Variants in CNTNAP2 observed in about 807,000 individuals in gnomAD.
CNTNAP2 encodes contactin-associated protein-like 2.
Under a neutral mutation model 155.2 loss-of-function variants are expected in CNTNAP2, and 98 were observed. The observed-to-expected ratio is 0.63, with a 90% CI of 0.54 to 0.75. CNTNAP2 has a LOEUF of 0.75. Ranked by LOEUF, CNTNAP2 falls within the 30% of genes least tolerant of loss-of-function variation. CNTNAP2 has a pLI of 0.00. For missense variants in CNTNAP2, 1,727 were observed against 1,688.1 expected, an observed-to-expected ratio of 1.02 and a Z score of -0.40; for synonymous variants, 651 against 631.2, an observed-to-expected ratio of 1.03 and a Z score of -0.47.
intron 1 of CNTNAP2, among the ~76,000 whole-genome samples, chr7:146,694,101 C>T (rs574471084): frequency 9.9e-5 from 15 of 152,128 alleles, no homozygotes; most frequent in African/African-American, 3.6e-4. Flanking sequence ...AAAAATCATA[C>T]ATTGTTTAAG....
At chr7:147,378,111 C>G (rs1235451565) in intron 9 of CNTNAP2, 7 of 445,420 alleles carry the variant, frequency 1.6e-5, no homozygotes, top group Non-Finnish European at 2.7e-5. Context: ...CAACCTAATA[C>G]GTTAGAACTC....
At chr7:146,239,602 T>A (rs13224126) in intron 1 of CNTNAP2, among the ~76,000 whole-genome samples, 15,526 of 152,292 alleles carry the variant, frequency 0.1, 828 homozygotes, top group Middle Eastern at 0.16. Flanking sequence ...TGTGTTATCC[T>A]GTGTATGGAC....
At chr7:148,380,206 T>C (rs1314875946) in intron 21 of CNTNAP2, among the ~76,000 whole-genome samples, 1 of 152,244 alleles carries the variant, frequency 6.6e-6, no homozygotes, top group Non-Finnish European at 1.5e-5. Flanking sequence ...GGCAGAACGT[T>C]GTTTCTTACA....
At chr7:146,432,610 G>T (rs190987865) in intron 1 of CNTNAP2, among the ~76,000 whole-genome samples, 53 of 152,094 alleles carry the variant, frequency 3.5e-4, no homozygotes, top group African/African-American at 1.1e-3. Context: ...GAAAATGAGG[G>T]TTCTAAAAAA....
intron 13 of CNTNAP2, among the ~76,000 whole-genome samples, chr7:147,891,815 CTTT>C (rs1799700145): frequency 6.6e-6 from 1 of 152,098 alleles, no homozygotes; most frequent in Admixed American, 6.6e-5. Context: ...CCCTACCATT[CTTT>C]GAGTCCAGTA....
chr7:147,772,585 G>T (rs1456557003), intron 13 of CNTNAP2, among the ~76,000 whole-genome samples: 1 of 149,118 alleles, frequency 6.7e-6, no homozygotes, highest in Non-Finnish European at 1.5e-5. Context: ...TACGTGAATT[G>T]ACTTCTACTT....
chr7:146,922,324 T>A (rs1248996036), intron 3 of CNTNAP2, among the ~76,000 whole-genome samples: 2 of 152,042 alleles, frequency 1.3e-5, no homozygotes, highest in Admixed American at 6.6e-5. Flanking sequence ...TTGATTTTGC[T>A]TTTATTGACA....
In CNTNAP2 at chr7:146,158,207, G is replaced by C. The variant is rs140551345; in HGVS notation, c.97+41234G>C. 5.6e-3 allele frequency among the ~76,000 whole-genome samples: 852 copies of C among 152,200 alleles called. 9 individuals carry two copies. Among genetic ancestry groups the C allele is most frequent in the African/African-American group, 0.019 (778 of 41,530 alleles). ...TAGAAAGAAAAGTAACAAACAGAAA[G>C]GACACCCACACCAAAACCCTATCTG... On this transcript the variant is annotated intron_variant, in intron 1 of 23. Coordinates refer to ENST00000361727, the MANE Select transcript of CNTNAP2 (RefSeq NM_014141.6).
chr7:147,866,081 T>C (rs1300321446), intron 13 of CNTNAP2, among the ~76,000 whole-genome samples: 1 of 152,150 alleles, frequency 6.6e-6, no homozygotes, highest in East Asian at 1.9e-4. Flanking sequence ...TTTCCCTCTA[T>C]ACACTGCTTT....
intron 11 of CNTNAP2, 142 bp from the exon 12 acceptor site, chr7:147,561,996 A>C: frequency 9.1e-7 from 1 of 1,101,914 alleles, no homozygotes; most frequent in Non-Finnish European, 1.3e-6. Flanking sequence ...ATGAATTTAA[A>C]TTTAGAGACA....
intron 1 of CNTNAP2, among the ~76,000 whole-genome samples, chr7:146,675,660 T>G (rs2372763): frequency 0.82 from 125,146 of 152,056 alleles, 52,188 homozygotes; most frequent in South Asian, 0.92. Context: ...GTTCAAGAGC[T>G]CCCACACCAT....
chr7:147,627,897 C>G (rs1795016482), intron 12 of CNTNAP2, among the ~76,000 whole-genome samples: 1 of 148,130 alleles, frequency 6.8e-6, no homozygotes, highest in Non-Finnish European at 1.5e-5. Flanking sequence ...AGCTCAAAGA[C>G]AAGGCTTTCA....
intron 13 of CNTNAP2, among the ~76,000 whole-genome samples, chr7:147,738,291 GGACT>G (rs1796893061): frequency 6.6e-6 from 1 of 152,148 alleles, no homozygotes; most frequent in Non-Finnish European, 1.5e-5. Context: ...GGATTTGAGA[GGACT>G]GACTCCAATT....
rs1174053211 is a variant in CNTNAP2 at position 147,772,416 on chromosome 7, T to C, written c.2099-131149T>C. Among the ~76,000 whole-genome samples, 6 of 134,200 alleles carry C rather than the reference T, an allele frequency of 4.5e-5. No homozygotes were observed. In the South Asian group the frequency reaches 1.4e-3, roughly 31 times the overall value. 88.0% of individuals were successfully genotyped at this position (134,200 alleles called of 152,430 possible). A position where few individuals can be genotyped will look rare whatever the true frequency, so the allele number is the denominator to read the frequency against. On this transcript the variant is annotated intron_variant, in intron 13 of 23. Coordinates refer to ENST00000361727, the MANE Select transcript of CNTNAP2 (RefSeq NM_014141.6). ...CTTTGTCTAAAAAAAAAAATATATA[T>C]ATATAATATATATATTATTCTCTCT...
chr7:146,930,215 G>A (rs949334265), intron 3 of CNTNAP2, among the ~76,000 whole-genome samples: 3 of 152,180 alleles, frequency 2.0e-5, no homozygotes, highest in Non-Finnish European at 4.4e-5. Flanking sequence ...TCAAAGGGAA[G>A]CCCATCAGAC....
chr7:147,530,174 A>G (rs975708762), intron 11 of CNTNAP2, among the ~76,000 whole-genome samples: 4 of 144,946 alleles, frequency 2.8e-5, no homozygotes, highest in African/African-American at 1.0e-4. Context: ...TCATGGTGGA[A>G]GGCAAAAGGC....
chr7:147,448,444 A>G (rs975162910), intron 10 of CNTNAP2, among the ~76,000 whole-genome samples: 1 of 150,566 alleles, frequency 6.6e-6, no homozygotes, highest in African/African-American at 2.4e-5. Flanking sequence ...ATAAACATTA[A>G]TCAGTGCTAA....
intron 8 of CNTNAP2, among the ~76,000 whole-genome samples, chr7:147,267,171 A>G (rs1362834248): frequency 4.6e-5 from 7 of 152,238 alleles, no homozygotes; most frequent in Non-Finnish European, 8.8e-5. Context: ...GTCATATGAT[A>G]GTCCAAATTA....
intron 1 of CNTNAP2, among the ~76,000 whole-genome samples, chr7:146,712,433 C>T (rs1801112305): frequency 6.9e-6 from 1 of 144,382 alleles, no homozygotes; most frequent in South Asian, 2.1e-4. Flanking sequence ...GGTGCCAAAG[C>T]ACAGAAGAGG....
Sources: gnomAD v4.1 joint callset for allele counts (sites outside exome capture counted in the v4.1 genomes callset) on GRCh38, gnomAD v4.1.1 for gene constraint, MANE v1.5 for transcripts, NCBI Gene and HGNC (gene_info 2026-07-23, HGNC 2026-07-21) for gene names.